The following ZNF276 variants were observed in gnomAD, a reference collection of about 807,000 sequenced individuals.
The protein encoded by ZNF276 is zinc finger protein 276, also known as centromere protein Z.
Under a neutral mutation model 63.9 loss-of-function variants are expected in ZNF276, and 59 were observed. The ratio of observed to expected loss-of-function variants is 0.92; its 90% CI spans 0.75 to 1.15. ZNF276 has a LOEUF of 1.15. Ranked by LOEUF, ZNF276 falls within the 50% of genes most tolerant of loss-of-function variation. The probability of loss-of-function intolerance (pLI) is 0.00; values close to 1 mark genes in which losing one functional copy is unlikely to be tolerated. For synonymous variants in ZNF276, 496 were observed against 348.4 expected (o/e 1.42, Z -4.72); for missense variants, 1,084 against 843.8 (o/e 1.28, Z -3.53).
At chr16:89,723,781 G>A (rs1481278590) in intron 4 of ZNF276, 72 bp downstream of exon 4, 4 of 1,446,412 alleles carry the variant, frequency 2.8e-6, no homozygotes, top group Admixed American at 2.1e-5. Flanking sequence ...TCAGCAGAAA[G>A]TGAATGTCTC....
Position 89,722,702 on chromosome 16 carries a change from G to C in ZNF276, c.377G>C (p.Arg126Pro), listed in dbSNP as rs201072734. 1.2e-6 allele frequency: 2 copies of C among 1,612,156 alleles called. No homozygotes were observed. The highest frequency in any genetic ancestry group is 2.7e-5 in the African/African-American group (2 of 74,946). Reference protein sequence around the residue: ...DFQRLLGVAVRQDPTLSPFVC... With the variant: ...DFQRLLGVAVPQDPTLSPFVC... ...CAGCGCCTGCTTGGTGTGGCTGTCC[G>C]CCAGGACCCCACCTTGTCTCCGTTT... The change falls in exon 2 of 11, where the codon CGC becomes CCC. Residue 126 changes from arginine to proline, a missense_variant. Physicochemically the swap from Arg to Pro is moderately radical, Grantham distance 103. Coordinates refer to ENST00000443381, the MANE Select transcript of ZNF276 (RefSeq NM_001113525.2).
upstream of ZNF276, chr16:89,721,104 C>T (rs1018069928): frequency 1.9e-5 from 6 of 322,918 alleles, no homozygotes; most frequent in Non-Finnish European, 3.3e-5. Context: ...CGTCTTGAGA[C>T]GGGGCTGGCG....
At chr16:89,724,632 G>A (rs2061411270) in intron 4 of ZNF276, among the ~76,000 whole-genome samples, 1 of 152,196 alleles carries the variant, frequency 6.6e-6, no homozygotes, top group Admixed American at 6.5e-5. Context: ...GGGTGACAGA[G>A]CAAGACTCTG....
chr16:89,736,500 T>A (rs1015487054), intron 9 of ZNF276, among the ~76,000 whole-genome samples: 1 of 151,844 alleles, frequency 6.6e-6, no homozygotes, highest in Admixed American at 6.6e-5. Context: ...AATTTTTGTA[T>A]TTTTAGTAGA....
chr16:89,730,914 G>A (rs896572778), intron 6 of ZNF276, among the ~76,000 whole-genome samples: 1 of 152,246 alleles, frequency 6.6e-6, no homozygotes, highest in Non-Finnish European at 1.5e-5. Context: ...GTGTTAATGA[G>A]GGGTCAGTGG....
At chr16:89,721,262 C>T (rs1005437165), upstream of ZNF276, 3 of 232,922 alleles carry the variant, frequency 1.3e-5, no homozygotes, top group African/African-American at 4.6e-5. Flanking sequence ...CCGCCCCGCG[C>T]CTCCGTCTCC....
Position 89,739,974 on chromosome 16 carries a change from C to G in ZNF276, c.*1728C>G. 1 of 1,613,334 alleles carries G rather than the reference C, an allele frequency of 6.2e-7. No homozygotes were observed. Among genetic ancestry groups the G allele is most frequent in the South Asian group, 1.1e-5 (1 of 91,086 alleles). ...AAAGAGCGGCCCTCCGCATTTGTGCCTCAGCAGCGTGTTTCTTACCACTCT... is the reference window on the plus strand; with the variant it reads ...AAAGAGCGGCCCTCCGCATTTGTGCGTCAGCAGCGTGTTTCTTACCACTCT... On this transcript the variant is annotated 3_prime_UTR_variant, in exon 11 of 11. Coordinates refer to ENST00000443381, the MANE Select transcript of ZNF276 (RefSeq NM_001113525.2).
Position 89,740,874 on chromosome 16 carries a change from T to G in ZNF276, c.*2628T>G. The G allele has an allele frequency of 6.2e-7, 1 of 1,609,958 alleles. No homozygotes were observed. The highest frequency in any genetic ancestry group is 1.1e-5 in the South Asian group (1 of 90,576). On this transcript the variant is annotated 3_prime_UTR_variant, in exon 11 of 11. Transcript: ENST00000443381. ...GAAAAGGAAAACCAATAGCTGTAAA[T>G]AAAAACGTGCACTTATTATTACATT...
At position 89,722,781 on chromosome 16, in the gene ZNF276, C is replaced by T. The variant is rs1481438181; in HGVS notation, c.456C>T (p.Ser152=). ...ACCAGTGCCACAGCCTTCTCAAGTC[C>T]TTCCTGCAGAGGGTCAACGCCTCCC... ...QFYQCHSLLK[S]FLQRVNASPA... The change falls in exon 2 of 11, where the codon TCC becomes TCT. Residue 152 remains serine (S), a synonymous_variant. Transcript: ENST00000443381. 2 of 1,609,120 alleles carry T rather than the reference C, an allele frequency of 1.2e-6. No homozygotes were observed. Among genetic ancestry groups the T allele is most frequent in the Non-Finnish European group, 1.7e-6 (2 of 1,179,998 alleles).
rs34629175 is a variant in ZNF276, at chr16:89,723,612, C to G, written c.909C>G (p.Pro303=). Residue 303 remains proline, a synonymous_variant, in exon 4 of 11, where the codon CCC becomes CCG. Coordinates refer to ENST00000443381, the MANE Select transcript of ZNF276 (RefSeq NM_001113525.2). Reference sequence around the variant, plus strand: ...TTGGGGCTGAGACCAAGACCCTGCCCAGCACGGATGTGGCCCAGCCTCCTT... The same window carrying G: ...TTGGGGCTGAGACCAAGACCCTGCCGAGCACGGATGTGGCCCAGCCTCCTT... ...TPVGAETKTL[P]STDVAQPPSD... 6.2e-7 allele frequency: 1 copy of G among 1,612,674 alleles called. No homozygotes were observed. Among genetic ancestry groups the G allele is most frequent in the African/African-American group, 1.3e-5 (1 of 74,952 alleles).
At position 89,738,893 on chromosome 16, in the gene ZNF276, G is replaced by T; in HGVS notation, c.*647G>T. ...CATCTTGACGTTACCTCTGCCACGT[G>T]TGAGAAGCTCTTTTTCGGGCACCGA... On this transcript the variant is annotated 3_prime_UTR_variant, in exon 11 of 11. Coordinates refer to ENST00000443381, the MANE Select transcript of ZNF276 (RefSeq NM_001113525.2). 1 of 1,614,252 alleles carries T rather than the reference G, an allele frequency of 6.2e-7. No individual in the cohort carries two copies. The highest frequency in any genetic ancestry group is 8.5e-7 in the Non-Finnish European group (1 of 1,180,048).
chr16:89,728,822 C>T (rs1004099801), intron 5 of ZNF276, among the ~76,000 whole-genome samples: 1 of 152,246 alleles, frequency 6.6e-6, no homozygotes, highest in Non-Finnish European at 1.5e-5. Context: ...CAGGAGTTAG[C>T]CTCTGCACCC....
At chr16:89,721,356 C>G (rs928261876), upstream of ZNF276, 9 of 329,508 alleles carry the variant, frequency 2.7e-5, no homozygotes, top group East Asian at 9.8e-5. Flanking sequence ...GCCCACCGCC[C>G]CGCCCCAGGC....
At chr16:89,724,073 C>T (rs1024233422) in intron 4 of ZNF276, among the ~76,000 whole-genome samples, 4 of 152,232 alleles carry the variant, frequency 2.6e-5, no homozygotes, top group Non-Finnish European at 5.9e-5. Context: ...GCCGTTGCCT[C>T]TGCGGCTGCT....
At chr16:89,735,141 C>CTTGT (rs2061813033) in intron 9 of ZNF276, among the ~76,000 whole-genome samples, 1 of 151,592 alleles carries the variant, frequency 6.6e-6, no homozygotes, top group African/African-American at 2.4e-5. Flanking sequence ...AAAAAAAAAA[C>CTTGT]TTGTTTGAAC....
intron 6 of ZNF276, among the ~76,000 whole-genome samples, chr16:89,731,163 G>A (rs1261062139): frequency 1.3e-5 from 2 of 152,264 alleles, no homozygotes; most frequent in Non-Finnish European, 2.9e-5. Flanking sequence ...CAGGGCAGGT[G>A]AGGGGGACAT....
At chr16:89,722,251 C>G (rs775880814) in intron 1 of ZNF276, among the ~76,000 whole-genome samples, 27 of 152,210 alleles carry the variant, frequency 1.8e-4, no homozygotes, top group Non-Finnish European at 3.7e-4. Flanking sequence ...CCGGGTCTCG[C>G]GGTCGCTGGG....
At chr16:89,730,638 A>G (rs928740904) in intron 6 of ZNF276, among the ~76,000 whole-genome samples, 3 of 152,126 alleles carry the variant, frequency 2.0e-5, no homozygotes. Context: ...AGAGGTCTCT[A>G]ATAAAAGGGG....
At position 89,721,556 on chromosome 16, in the gene ZNF276, G is replaced by A; in HGVS notation, c.-85G>A. ...TCCCCCGCCCCGCCTCGCTTCCAGC[G>A]CGCCGAGCGGAGCCTAACGCCGGGT... On this transcript the variant is annotated 5_prime_UTR_variant, in exon 1 of 11. Coordinates refer to ENST00000443381, the MANE Select transcript of ZNF276 (RefSeq NM_001113525.2). 7.6e-7 allele frequency: 1 copy of A among 1,323,734 alleles called. No individual in the cohort carries two copies. Among genetic ancestry groups the A allele is most frequent in the Non-Finnish European group, 9.9e-7 (1 of 1,005,634 alleles). 82.0% of individuals were successfully genotyped at this position (1,323,734 alleles called of 1,614,324 possible).
Sources: gnomAD v4.1 joint callset for allele counts (sites outside exome capture counted in the v4.1 genomes callset) on GRCh38, gnomAD v4.1.1 for gene constraint, MANE v1.5 for transcripts, NCBI Gene and HGNC (gene_info 2026-07-23, HGNC 2026-07-21) for gene names.